Variants in RIT2 observed in about 807,000 individuals in gnomAD.
RIT2 encodes GTP-binding protein Rit2.
In RIT2, 24 loss-of-function variants were observed where a neutral mutation model predicts 23.7. The ratio of observed to expected loss-of-function variants is 1.01; its 90% CI spans 0.73 to 1.43. The LOEUF (loss-of-function observed/expected upper bound fraction) is 1.43. Ranked by LOEUF, RIT2 falls within the 40% of genes most tolerant of loss-of-function variation. The pLI is 0.00. For missense variants in RIT2, 236 were observed against 266.9 expected, an observed-to-expected ratio of 0.88 and a Z score of 0.81; for synonymous variants, 107 against 91.1, an observed-to-expected ratio of 1.17 and a Z score of -0.99.
At chr18:42,751,578 A>G (rs1416687114) in intron 4 of RIT2, among the ~76,000 whole-genome samples, 1 of 151,966 alleles carries the variant, frequency 6.6e-6, no homozygotes. Context: ...AATAAATGAT[A>G]TAAGTGAATA....
chr18:43,011,938 A>G (rs1168981058), intron 2 of RIT2, among the ~76,000 whole-genome samples: 1 of 151,876 alleles, frequency 6.6e-6, no homozygotes, highest in African/African-American at 2.4e-5. Flanking sequence ...TCAAATTAAA[A>G]GATTGCATAA....
intron 4 of RIT2, among the ~76,000 whole-genome samples, chr18:42,829,637 T>G (rs16977004): frequency 0.14 from 21,960 of 152,116 alleles, 1,659 homozygotes; most frequent in Middle Eastern, 0.26. Flanking sequence ...CCACCTTTCT[T>G]GCTATGTTTC....
intron 4 of RIT2, among the ~76,000 whole-genome samples, chr18:42,871,268 A>G (rs1907615268): frequency 6.6e-6 from 1 of 152,212 alleles, no homozygotes; most frequent in African/African-American, 2.4e-5. Flanking sequence ...ATGATATTAT[A>G]TCTCAAAAAC....
chr18:42,948,983 T>C (rs1176692380), intron 3 of RIT2: 1 of 397,584 alleles, frequency 2.5e-6, no homozygotes, highest in Non-Finnish European at 4.4e-6. Context: ...GTTTTTCAAC[T>C]TACTTTTCAG....
chr18:42,807,495 T>G (rs896616241), intron 4 of RIT2, among the ~76,000 whole-genome samples: 1 of 152,096 alleles, frequency 6.6e-6, no homozygotes, highest in African/African-American at 2.4e-5. Context: ...CAGGTGCCTG[T>G]AATCCCAACT....
chr18:42,900,755 G>C (rs1341360972), intron 4 of RIT2, among the ~76,000 whole-genome samples: 2 of 152,044 alleles, frequency 1.3e-5, no homozygotes, highest in African/African-American at 4.8e-5. Flanking sequence ...AGGCAGAAGG[G>C]CTTAAGAGGA....
intron 4 of RIT2, among the ~76,000 whole-genome samples, chr18:42,917,824 C>T (rs1270547592): frequency 6.6e-6 from 1 of 152,028 alleles, no homozygotes; most frequent in African/African-American, 2.4e-5. Context: ...TGCTCTTCAC[C>T]CAAATCCTCC....
intron 4 of RIT2, among the ~76,000 whole-genome samples, chr18:42,854,456 G>T (rs1004118606): frequency 6.6e-6 from 1 of 152,172 alleles, no homozygotes; most frequent in Non-Finnish European, 1.5e-5. Context: ...CCAATCAGCA[G>T]AGGGTGAAAC....
intron 1 of RIT2, among the ~76,000 whole-genome samples, chr18:43,044,640 C>G (rs1912204821): frequency 6.6e-6 from 1 of 152,118 alleles, no homozygotes; most frequent in Non-Finnish European, 1.5e-5. Flanking sequence ...GTATGTCTAC[C>G]TTTCTATAGG....
chr18:43,098,971 C>G (rs1046338141), intron 1 of RIT2, among the ~76,000 whole-genome samples: 2 of 152,014 alleles, frequency 1.3e-5, no homozygotes, highest in Non-Finnish European at 2.9e-5. Context: ...CTGGCCTATG[C>G]TCCTAAGAAA....
intron 2 of RIT2, among the ~76,000 whole-genome samples, chr18:43,013,115 C>T (rs1049426405): frequency 5.3e-5 from 8 of 151,794 alleles, no homozygotes; most frequent in Non-Finnish European, 8.8e-5. Flanking sequence ...TGTGTACATA[C>T]ATGTGTCTGT....
intron 3 of RIT2, among the ~76,000 whole-genome samples, chr18:42,930,271 G>A (rs1040268803): frequency 6.6e-6 from 1 of 151,886 alleles, no homozygotes; most frequent in Non-Finnish European, 1.5e-5. Context: ...AAGGGCCACT[G>A]AAAGCAGGGA....
chr18:42,858,980 C>T (rs969351925), intron 4 of RIT2, among the ~76,000 whole-genome samples: 2 of 152,022 alleles, frequency 1.3e-5, no homozygotes, highest in Non-Finnish European at 2.9e-5. Context: ...GTTGTGTTCA[C>T]TTTTGGGGTA....
intron 2 of RIT2, among the ~76,000 whole-genome samples, chr18:43,023,054 G>A (rs1039667229): frequency 1.3e-5 from 2 of 152,026 alleles, no homozygotes; most frequent in Non-Finnish European, 1.5e-5. Context: ...TGCATTCTTA[G>A]TATGACGTCA....
intron 4 of RIT2, among the ~76,000 whole-genome samples, chr18:42,751,301 A>C (rs1265473677): frequency 6.6e-6 from 1 of 151,876 alleles, no homozygotes; most frequent in Admixed American, 6.6e-5. Flanking sequence ...TAAATCCATA[A>C]ATTCTTTAAG....
chr18:43,115,290 AC>A, intron 1 of RIT2, 126 bp downstream of exon 1: 2 of 1,186,912 alleles, frequency 1.7e-6, no homozygotes, highest in Non-Finnish European at 2.4e-6. Flanking sequence ...ATCCTGCCAG[AC>A]CCATACTCTG....
intron 4 of RIT2, among the ~76,000 whole-genome samples, chr18:42,883,193 G>C (rs1053229863): frequency 6.6e-6 from 1 of 151,918 alleles, no homozygotes; most frequent in Non-Finnish European, 1.5e-5. Flanking sequence ...AGGCAGACCT[G>C]GTGTGCTAGC....
At chr18:43,087,673 C>T (rs1913318127) in intron 1 of RIT2, among the ~76,000 whole-genome samples, 1 of 152,178 alleles carries the variant, frequency 6.6e-6, no homozygotes, top group African/African-American at 2.4e-5. Context: ...TCTTTGTCTT[C>T]TTAGTTTCAG....
chr18:42,955,515 GGTCCTTC>G (rs1278285490), intron 3 of RIT2, among the ~76,000 whole-genome samples: 7 of 152,080 alleles, frequency 4.6e-5, no homozygotes, highest in African/African-American at 1.7e-4. Context: ...AGGGTCAAAA[GGTCCTTC>G]CCCTTCTGAC....
Sources: gnomAD v4.1 joint callset for allele counts (sites outside exome capture counted in the v4.1 genomes callset) on GRCh38, gnomAD v4.1.1 for gene constraint, MANE v1.5 for transcripts, NCBI Gene and HGNC (gene_info 2026-07-23, HGNC 2026-07-21) for gene names.